The following DGKD variants were observed in gnomAD, a reference collection of about 807,000 sequenced individuals.
DGKD encodes diacylglycerol kinase delta.
DGKD carries 68 observed loss-of-function variants against 154.4 expected under a neutral mutation model. The observed-to-expected ratio is 0.44, with a 90% confidence interval of 0.36 to 0.54. The LOEUF (loss-of-function observed/expected upper bound fraction) is 0.54. DGKD is among the 20% of genes least tolerant of loss of function. DGKD has a pLI of 0.00. For synonymous variants in DGKD, 693 were observed against 638.0 expected (o/e 1.09, Z -1.30); for missense variants, 1,343 against 1,593.6 (o/e 0.84, Z 2.68).
At chr2:233,363,107 AAAAC>A (rs562214245) in intron 1 of DGKD, among the ~76,000 whole-genome samples, 1 of 152,236 alleles carries the variant, frequency 6.6e-6, no homozygotes, top group East Asian at 1.9e-4. Flanking sequence ...AGAAAAAAGA[AAAAC>A]AAATTGTAAA....
In DGKD at chr2:233,430,810, A is replaced by G. The variant is rs575882029; in HGVS notation, c.349-3570A>G. On this transcript the variant is annotated intron_variant, in intron 3 of 29. Coordinates refer to ENST00000264057, the MANE Select transcript of DGKD (RefSeq NM_152879.3). ...TTGAGGAGAACTCTTTTTCCCCCAC[A>G]TGTTTGTCAGTACTGGATAGTCATC... Among the ~76,000 whole-genome samples the G allele has an allele frequency of 1.1e-4, 16 of 152,252 alleles. No homozygotes were observed. The East Asian group carries it at 3.1e-3, about 29-fold the overall frequency.
intron 12 of DGKD, 85 bp downstream of exon 12, chr2:233,446,881 C>T (rs2063093131): frequency 4.8e-6 from 7 of 1,470,434 alleles, no homozygotes; most frequent in Middle Eastern, 1.8e-4. Flanking sequence ...ACCTCCCTTG[C>T]AGAGACGCCT....
intron 17 of DGKD, among the ~76,000 whole-genome samples, chr2:233,451,441 G>A (rs56262157): frequency 0.025 from 3,797 of 152,240 alleles, 156 homozygotes; most frequent in African/African-American, 0.087. Flanking sequence ...GGTCCTGGCC[G>A]CCTGGAGCAT....
At chr2:233,376,921 T>C (rs775532889) in intron 1 of DGKD, among the ~76,000 whole-genome samples, 13 of 152,132 alleles carry the variant, frequency 8.5e-5, no homozygotes, top group Non-Finnish European at 1.6e-4. Flanking sequence ...ATCTACCCTG[T>C]TCCCTTTCCC....
chr2:233,398,336 G>T (rs6706384), intron 3 of DGKD, among the ~76,000 whole-genome samples: 45,043 of 151,318 alleles, frequency 0.3, 7,661 homozygotes, highest in Middle Eastern at 0.41. Context: ...TAGTAGAGAC[G>T]GGGTTTCACA....
At chr2:233,388,600 G>C in intron 2 of DGKD, 1 of 385,150 alleles carries the variant, frequency 2.6e-6, no homozygotes, top group Non-Finnish European at 4.6e-6. Flanking sequence ...ATCGGTAATG[G>C]GGAAAAGGAA....
chr2:233,427,400 G>T (rs2062347259), intron 3 of DGKD, among the ~76,000 whole-genome samples: 1 of 145,988 alleles, frequency 6.8e-6, no homozygotes, highest in South Asian at 2.2e-4. Flanking sequence ...GAGTGCAGTG[G>T]TGCAATCTTG....
At chr2:233,428,482 G>A (rs1311408276) in intron 3 of DGKD, among the ~76,000 whole-genome samples, 1 of 152,162 alleles carries the variant, frequency 6.6e-6, no homozygotes, top group East Asian at 1.9e-4. Context: ...TGAGGGCTTC[G>A]ACCCCAAGGT....
chr2:233,451,100 G>C, intron 17 of DGKD, 50 bp downstream of exon 17: 11 of 1,571,018 alleles, frequency 7.0e-6, no homozygotes, highest in Non-Finnish European at 9.6e-6. Flanking sequence ...GCACAACACT[G>C]GTCCCGTCAA....
At chr2:233,416,160 CACATA>C (rs1432797587) in intron 3 of DGKD, among the ~76,000 whole-genome samples, 4 of 152,130 alleles carry the variant, frequency 2.6e-5, no homozygotes, top group East Asian at 1.9e-4. Context: ...TGGTAGAATA[CACATA>C]ACATAAAATT....
At chr2:233,467,509 A>G (rs2063861208) in intron 28 of DGKD, among the ~76,000 whole-genome samples, 1 of 152,184 alleles carries the variant, frequency 6.6e-6, no homozygotes, top group Admixed American at 6.5e-5. Flanking sequence ...ACTTGGAGAC[A>G]CAAAGCTCTG....
intron 3 of DGKD, among the ~76,000 whole-genome samples, chr2:233,402,589 A>G (rs1260740075): frequency 1.3e-5 from 2 of 152,180 alleles, no homozygotes; most frequent in African/African-American, 2.4e-5. Flanking sequence ...AGAGGTGCTC[A>G]CTATTGTGGA....
Position 233,445,906 on chromosome 2 carries a change from T to G in DGKD, c.1334+144T>G. On this transcript the variant is annotated intron_variant, in intron 11 of 29. Transcript: ENST00000264057. The surrounding 1 kb of genome is among the most constrained non-coding windows in gnomAD (Gnocchi z 5.5). ...GATTTGACCTGAGTATATATTCGGA[T>G]AGTCTTTGATATTTGGTCAGATTAT... 65 of 980,504 alleles carry G rather than the reference T, an allele frequency of 6.6e-5. No homozygotes were observed. The highest frequency in any genetic ancestry group is 8.4e-5 in the Non-Finnish European group (59 of 701,624). The allele number at this position is 980,504 out of a possible 1,614,324, so 60.7% of individuals were successfully genotyped here. A position where few individuals can be genotyped will look rare whatever the true frequency, so the allele number is the denominator to read the frequency against.
intron 1 of DGKD, among the ~76,000 whole-genome samples, chr2:233,359,205 T>C (rs1290876186): frequency 6.6e-6 from 1 of 152,224 alleles, no homozygotes; most frequent in Non-Finnish European, 1.5e-5. Context: ...CATGCGATTG[T>C]GGACAGGGTG....
chr2:233,378,295 C>T (rs571262294), intron 1 of DGKD, among the ~76,000 whole-genome samples: 2 of 151,978 alleles, frequency 1.3e-5, no homozygotes, highest in East Asian at 3.9e-4. Context: ...GCCTGTAGTC[C>T]CAGCTACTCA....
intron 3 of DGKD, among the ~76,000 whole-genome samples, chr2:233,420,608 T>C (rs985415961): frequency 5.3e-5 from 8 of 152,254 alleles, no homozygotes; most frequent in Non-Finnish European, 1.2e-4. Flanking sequence ...ATAAATGTTA[T>C]CAGACTGGAC....
At position 233,437,401 on chromosome 2, in the gene DGKD, T is replaced by C. The variant is rs1227440870; in HGVS notation, c.844T>C (p.Leu282=). The C allele has an allele frequency of 6.2e-7, 1 of 1,614,114 alleles. No homozygotes were observed. The highest frequency in any genetic ancestry group is 1.3e-5 in the African/African-American group (1 of 74,942). ...AMVHTSCKES[L]LTKCPLGLCK... ...GGTTCACACATCGTGTAAAGAATCC[T>C]TGCTGACCAAGTGCCCACTTGGCCT... The change falls in exon 8 of 30, where the codon TTG becomes CTG. Residue 282 remains leucine, a synonymous_variant. Coordinates refer to ENST00000264057, the MANE Select transcript of DGKD (RefSeq NM_152879.3).
At chr2:233,431,354 C>T (rs1042836461) in intron 3 of DGKD, among the ~76,000 whole-genome samples, 5 of 152,312 alleles carry the variant, frequency 3.3e-5, no homozygotes, top group East Asian at 1.9e-4. Flanking sequence ...AGATACTCCA[C>T]GTTCATGGAC....
intron 1 of DGKD, among the ~76,000 whole-genome samples, chr2:233,386,836 G>T (rs1250977044): frequency 2.0e-5 from 3 of 152,192 alleles, no homozygotes; most frequent in Non-Finnish European, 4.4e-5. Flanking sequence ...GGCACATGCT[G>T]GTGAGCAAGA....
Sources: gnomAD v4.1 joint callset for allele counts (sites outside exome capture counted in the v4.1 genomes callset) on GRCh38, gnomAD v4.1.1 for gene constraint, Gnocchi (gnomAD v3.1) non-coding constraint, MANE v1.5 for transcripts, NCBI Gene and HGNC (gene_info 2026-07-23, HGNC 2026-07-21) for gene names.